Variants in SLC9C1 observed in about 807,000 individuals in gnomAD.
SLC9C1 encodes the protein sodium/hydrogen exchanger 10.
A neutral mutation model predicts 140.9 loss-of-function variants in SLC9C1; 97 were observed. The observed-to-expected ratio is 0.69, with a 90% confidence interval of 0.58 to 0.82. The LOEUF (loss-of-function observed/expected upper bound fraction) is 0.82, where lower values mean the gene tolerates loss of function less well. Ranked by LOEUF, SLC9C1 falls within the 40% of genes least tolerant of loss-of-function variation. SLC9C1 has a pLI of 0.00. For missense variants in SLC9C1, 1,340 were observed against 1,389.3 expected (o/e 0.96, Z 0.56); for synonymous variants, 440 against 442.6 (o/e 0.99, Z 0.07).
In SLC9C1 at chr3:112,141,167, A is replaced by G. The variant is rs1414361406; in HGVS notation, c.*105T>C. ...TTAGCACCAAGATCATCCACACAGG[A>G]TCCAACCTGAAGTTACTCCTTCTTG... On this transcript the variant is annotated 3_prime_UTR_variant, in exon 29 of 29. Coordinates refer to ENST00000305815, the MANE Select transcript of SLC9C1 (RefSeq NM_183061.3). 1.6e-6 allele frequency: 2 copies of G among 1,216,376 alleles called. No individual in the cohort carries two copies. Among genetic ancestry groups the G allele is most frequent in the African/African-American group, 1.6e-5 (1 of 63,856 alleles). The allele number at this position is 1,216,376 out of a possible 1,614,324, so 75.3% of individuals were successfully genotyped here.
At chr3:112,204,952 T>C (rs553792570) in intron 16 of SLC9C1, among the ~76,000 whole-genome samples, 27 of 152,266 alleles carry the variant, frequency 1.8e-4, no homozygotes, top group Non-Finnish European at 3.5e-4. Context: ...TGTAATTTCA[T>C]TCTGGGATAA....
chr3:112,259,416 T>TA lies in SLC9C1; in HGVS notation c.1197+3507dup, dbSNP rs71134817. On this transcript the variant is annotated intron_variant, in intron 10 of 28. Transcript: ENST00000305815. ...CCACTGTGACATGAGTTTACCTATC[T>TA]AAAAAAAAAAAAAAAAGCAAAAAAC... Among the ~76,000 whole-genome samples the TA allele has an allele frequency of 1.8e-3, 230 of 126,632 alleles. 1 individual carries two copies. Among genetic ancestry groups the TA allele is most frequent in the African/African-American group, 5.2e-3 (167 of 32,260 alleles). The allele number at this position is 126,632 out of a possible 152,430, so 83.1% of individuals were successfully genotyped here. A position where few individuals can be genotyped will look rare whatever the true frequency, so the allele number is the denominator to read the frequency against.
At chr3:112,233,410 T>G (rs1180693629) in intron 12 of SLC9C1, among the ~76,000 whole-genome samples, 1 of 152,150 alleles carries the variant, frequency 6.6e-6, no homozygotes, top group Admixed American at 6.6e-5. Flanking sequence ...CCTCCTCTTT[T>G]GAATTTAAAC....
intron 12 of SLC9C1, among the ~76,000 whole-genome samples, chr3:112,234,392 C>T (rs76606117): frequency 0.59 from 89,740 of 151,772 alleles, 27,047 homozygotes; most frequent in East Asian, 0.79. Context: ...TTGTCAGATG[C>T]GTAGATTGCA....
chr3:112,282,665 G>A (rs112965635), intron 2 of SLC9C1, among the ~76,000 whole-genome samples: 1 of 150,792 alleles, frequency 6.6e-6, no homozygotes, highest in Non-Finnish European at 1.5e-5. Context: ...AGTTAATAAT[G>A]AAAAAAAAAA....
Position 112,208,158 on chromosome 3 carries a change from A to G in SLC9C1, c.1986+20T>C, listed in dbSNP as rs1394202819. On this transcript the variant is annotated intron_variant, in intron 16 of 28. Coordinates refer to ENST00000305815, the MANE Select transcript of SLC9C1 (RefSeq NM_183061.3). ...TGTCAGACATATAACACTTCCATACACACATAAATTTTAGATTACCTTAAG... is the reference window on the plus strand; with the variant it reads ...TGTCAGACATATAACACTTCCATACGCACATAAATTTTAGATTACCTTAAG... 2 of 1,555,358 alleles carry G rather than the reference A, an allele frequency of 1.3e-6. No homozygotes were observed. Among genetic ancestry groups the G allele is most frequent in the Non-Finnish European group, 1.7e-6 (2 of 1,149,210 alleles).
chr3:112,206,176 A>G (rs1309119170), intron 16 of SLC9C1, among the ~76,000 whole-genome samples: 1 of 142,980 alleles, frequency 7.0e-6, no homozygotes, highest in Non-Finnish European at 1.5e-5. Flanking sequence ...ACCCCATCAA[A>G]AAGTGGGCAA....
At chr3:112,155,147 C>G (rs1250570800) in intron 26 of SLC9C1, 98 bp from the exon 27 acceptor site, 21 of 1,014,214 alleles carry the variant, frequency 2.1e-5, no homozygotes, top group Non-Finnish European at 3.0e-5. Context: ...TCAAATCACA[C>G]TCAGGACCTG....
chr3:112,267,943 G>A (rs1030392275), intron 7 of SLC9C1, among the ~76,000 whole-genome samples: 2 of 152,054 alleles, frequency 1.3e-5, no homozygotes, highest in Non-Finnish European at 2.9e-5. Flanking sequence ...TAAACATGAA[G>A]CCAGGTCACA....
intron 10 of SLC9C1, among the ~76,000 whole-genome samples, chr3:112,245,564 A>G (rs772632990): frequency 1.3e-5 from 2 of 151,834 alleles, no homozygotes; most frequent in Non-Finnish European, 2.9e-5. Context: ...TGAATTCCTT[A>G]TTATACTCCA....
chr3:112,288,729 C>T (rs2080592517), intron 1 of SLC9C1, among the ~76,000 whole-genome samples: 2 of 152,144 alleles, frequency 1.3e-5, no homozygotes, highest in South Asian at 2.1e-4. Context: ...CACTGCATTC[C>T]AACCGGGGTG....
intron 26 of SLC9C1, among the ~76,000 whole-genome samples, chr3:112,156,141 C>T (rs965122013): frequency 1.3e-5 from 2 of 152,028 alleles, no homozygotes; most frequent in African/African-American, 4.8e-5. Flanking sequence ...GTCAACTATT[C>T]TTCATCATCT....
intron 28 of SLC9C1, among the ~76,000 whole-genome samples, chr3:112,148,254 G>T (rs530758605): frequency 5.1e-4 from 78 of 152,078 alleles, no homozygotes; most frequent in African/African-American, 1.8e-3. Flanking sequence ...TTCCTTATCT[G>T]TATCTCTGAG....
intron 20 of SLC9C1, among the ~76,000 whole-genome samples, chr3:112,188,810 C>G (rs1300016668): frequency 6.6e-6 from 1 of 152,218 alleles, no homozygotes; most frequent in Non-Finnish European, 1.5e-5. Context: ...GGAATCATCA[C>G]TGTCTTCCAC....
intron 10 of SLC9C1, among the ~76,000 whole-genome samples, chr3:112,247,226 G>C (rs1248604306): frequency 1.3e-5 from 2 of 152,106 alleles, no homozygotes; most frequent in East Asian, 3.9e-4. Context: ...TCTGGCATTT[G>C]CAAAAGTGTC....
At chr3:112,162,743 G>T (rs2075344996) in intron 26 of SLC9C1, among the ~76,000 whole-genome samples, 3 of 146,596 alleles carry the variant, frequency 2.0e-5, no homozygotes, top group Non-Finnish European at 4.5e-5. Context: ...TTTTTTGGTT[G>T]TGTCTCTGCC....
At chr3:112,186,565 G>A (rs2077545141) in intron 20 of SLC9C1, among the ~76,000 whole-genome samples, 1 of 152,166 alleles carries the variant, frequency 6.6e-6, no homozygotes, top group Admixed American at 6.5e-5. Flanking sequence ...AATCTCAATG[G>A]AAATTTCAGT....
At position 112,217,735 on chromosome 3, in the gene SLC9C1, T is replaced by C. The variant is rs146995508; in HGVS notation, c.1671-174A>G. Among the ~76,000 whole-genome samples, 158 of 152,270 alleles carry C rather than the reference T, an allele frequency of 1.0e-3. 1 individual carries two copies. The highest frequency in any genetic ancestry group is 3.7e-3 in the African/African-American group (155 of 41,550). ...CATGGGCGTGGTTCATGAAGTTAGA[T>C]TGTCAGGCTCACTTGTTAAACAGAG... On this transcript the variant is annotated intron_variant, in intron 14 of 28. Transcript: ENST00000305815.
chr3:112,284,580 C>T (rs184049064), intron 2 of SLC9C1, among the ~76,000 whole-genome samples: 1 of 152,232 alleles, frequency 6.6e-6, no homozygotes, highest in Non-Finnish European at 1.5e-5. Flanking sequence ...GATATGTAGC[C>T]AGGGGAATTT....
Sources: allele counts gnomAD v4.1 joint callset (sites outside exome capture counted in the v4.1 genomes callset), GRCh38; gene constraint gnomAD v4.1.1; transcripts MANE v1.5; gene names NCBI Gene and HGNC (gene_info 2026-07-23, HGNC 2026-07-21).